MROH1: variants seen among roughly 807,000 people sequenced by gnomAD.
MROH1 encodes maestro heat like repeat family member 1.
Under a neutral mutation model 116.5 loss-of-function variants are expected in MROH1, and 117 were observed. The ratio of observed to expected loss-of-function variants is 1.00; its 90% CI spans 0.86 to 1.17. The LOEUF (loss-of-function observed/expected upper bound fraction) is 1.17, where lower values mean the gene tolerates loss of function less well. Ranked by LOEUF, MROH1 falls within the 50% of genes most tolerant of loss-of-function variation. The pLI is 0.00. For synonymous variants in MROH1, 921 were observed against 583.9 expected, an observed-to-expected ratio of 1.58 and a Z score of -8.32; for missense variants, 1,873 against 1,338.5, an observed-to-expected ratio of 1.40 and a Z score of -6.23.
chr8:144,254,589 T>G, intron 33 of MROH1: 1 of 557,716 alleles, frequency 1.8e-6, no homozygotes, highest in Non-Finnish European at 3.2e-6. Flanking sequence ...TAGGCCCAGA[T>G]TTTTCTCTGT....
At chr8:144,257,004 T>C (rs4977207) in intron 35 of MROH1, among the ~76,000 whole-genome samples, 68,187 of 152,070 alleles carry the variant, frequency 0.45, 16,440 homozygotes, top group East Asian at 0.69. Context: ...GCTCAGACCA[T>C]GAGGCCCAGC....
chr8:144,223,582 C>T (rs1188407713), intron 14 of MROH1, among the ~76,000 whole-genome samples: 3 of 152,128 alleles, frequency 2.0e-5, no homozygotes, highest in African/African-American at 7.2e-5. Flanking sequence ...CTCAGCAGCT[C>T]CCAGGACTCA....
intron 29 of MROH1, among the ~76,000 whole-genome samples, chr8:144,246,627 T>A (rs1444224251): frequency 6.6e-6 from 1 of 152,220 alleles, no homozygotes; most frequent in African/African-American, 2.4e-5. Context: ...CCCTTCTGAC[T>A]TGAAATTCTT....
At chr8:144,211,604 T>C (rs1353718237) in intron 12 of MROH1, among the ~76,000 whole-genome samples, 2 of 151,670 alleles carry the variant, frequency 1.3e-5, no homozygotes, top group Non-Finnish European at 2.9e-5. Flanking sequence ...TGCGGGCCTG[T>C]AATCCCAGCT....
rs181479541 is a variant in MROH1 at position 144,230,611 on chromosome 8, G to A, written c.1338+7381G>A. On this transcript the variant is annotated intron_variant, in intron 14 of 43. Coordinates refer to ENST00000326134, the MANE Select transcript of MROH1 (RefSeq NM_032450.3). ...TCTTGGCTTATAATTTTTTTCTTGT[G>A]ATGTCTTTTTCCAGCTTTAGTATCA... Among the ~76,000 whole-genome samples the A allele has an allele frequency of 2.3e-3, 352 of 150,438 alleles. 2 individuals carry two copies. The highest frequency in any genetic ancestry group is 8.3e-3 in the African/African-American group (341 of 40,856).
intron 37 of MROH1, 69 bp from the exon 38 acceptor site, chr8:144,259,842 G>A (rs1844660922): frequency 1.4e-6 from 1 of 712,666 alleles, no homozygotes; most frequent in African/African-American, 1.7e-5. Context: ...CTGGTGTTCT[G>A]GGCCTGGGCT....
intron 2 of MROH1, among the ~76,000 whole-genome samples, chr8:144,162,399 T>C (rs1026168485): frequency 6.6e-6 from 1 of 150,738 alleles, no homozygotes; most frequent in African/African-American, 2.4e-5. Context: ...GTTTTTCTTT[T>C]CTTTTTTTTT....
intron 10 of MROH1, among the ~76,000 whole-genome samples, chr8:144,195,622 G>A (rs1829718618): frequency 6.6e-6 from 1 of 151,266 alleles, no homozygotes; most frequent in Admixed American, 6.6e-5. Context: ...GATTACAGAT[G>A]TGAGCCACTG....
intron 1 of MROH1, among the ~76,000 whole-genome samples, chr8:144,156,820 G>C (rs1385793903): frequency 2.0e-5 from 2 of 99,154 alleles, no homozygotes; most frequent in Non-Finnish European, 3.8e-5. Context: ...GTCTCATTCT[G>C]TCCCCAGGCT....
chr8:144,181,123 C>G (rs557315819), intron 7 of MROH1, among the ~76,000 whole-genome samples: 16 of 152,156 alleles, frequency 1.1e-4, no homozygotes, highest in African/African-American at 3.9e-4. Flanking sequence ...CCCACGGCCT[C>G]GTGCTCCCGG....
At chr8:144,156,665 C>T (rs1466828432) in intron 1 of MROH1, among the ~76,000 whole-genome samples, 1 of 117,530 alleles carries the variant, frequency 8.5e-6, no homozygotes, top group African/African-American at 3.3e-5. Context: ...GCCGAGATTG[C>T]ACCATTGCAC....
intron 33 of MROH1, chr8:144,251,509 C>T (rs2133183529): frequency 6.6e-6 from 1 of 152,406 alleles, no homozygotes; most frequent in African/African-American, 2.4e-5. Context: ...TGTTGCTTTT[C>T]TTTTAGCGTT....
At chr8:144,164,119 G>A (rs1255830288) in intron 3 of MROH1, among the ~76,000 whole-genome samples, 1 of 149,190 alleles carries the variant, frequency 6.7e-6, no homozygotes, top group Non-Finnish European at 1.5e-5. Context: ...TTTAAGACAG[G>A]GTCGGCTGGG....
intron 14 of MROH1, 84 bp downstream of exon 14, chr8:144,223,314 C>T: frequency 4.0e-6 from 6 of 1,502,316 alleles, no homozygotes; most frequent in Non-Finnish European, 5.4e-6. Flanking sequence ...GCCACTGGCC[C>T]AGCAGAGGGT....
chr8:144,162,350 G>A (rs1275134648), intron 2 of MROH1, among the ~76,000 whole-genome samples: 2 of 151,538 alleles, frequency 1.3e-5, no homozygotes, highest in Non-Finnish European at 2.9e-5. Context: ...GCATCCCAAA[G>A]TGCTGGGATT....
At chr8:144,164,407 CAAAA>C (rs202061294) in intron 3 of MROH1, among the ~76,000 whole-genome samples, 5 of 93,662 alleles carry the variant, frequency 5.3e-5, no homozygotes, top group Admixed American at 1.1e-4. Context: ...TCGGTCCCCC[CAAAA>C]AAAAAAAAAA....
At chr8:144,232,428 T>G (rs1839073928) in intron 14 of MROH1, among the ~76,000 whole-genome samples, 1 of 152,180 alleles carries the variant, frequency 6.6e-6, no homozygotes, top group Non-Finnish European at 1.5e-5. Flanking sequence ...TTTTATCTTC[T>G]TTTGACTGTT....
chr8:144,149,604 C>G (rs1816244963), intron 1 of MROH1, among the ~76,000 whole-genome samples: 1 of 152,096 alleles, frequency 6.6e-6, no homozygotes, highest in African/African-American at 2.4e-5. Flanking sequence ...TCGTAGCCCC[C>G]CTTTCACAGA....
intron 12 of MROH1, among the ~76,000 whole-genome samples, chr8:144,210,231 G>C (rs1217055324): frequency 6.6e-6 from 1 of 152,040 alleles, no homozygotes; most frequent in Non-Finnish European, 1.5e-5. Context: ...TTGAGGTCAG[G>C]AATTTGAGAC....
Sources: allele counts gnomAD v4.1 joint callset (sites outside exome capture counted in the v4.1 genomes callset), GRCh38; gene constraint gnomAD v4.1.1; transcripts MANE v1.5; gene names NCBI Gene and HGNC (gene_info 2026-07-23, HGNC 2026-07-21).